Variants in STIM1 observed in about 807,000 individuals in gnomAD.
The protein encoded by STIM1 is stromal interaction molecule 1.
A neutral mutation model predicts 74.7 loss-of-function variants in STIM1; 25 were observed. The ratio of observed to expected loss-of-function variants is 0.33; its 90% CI spans 0.24 to 0.47. The LOEUF is 0.47. STIM1 is among the 20% of genes least tolerant of loss of function. The pLI, the probability that STIM1 is intolerant of heterozygous loss-of-function variation, is 1.00. For missense variants in STIM1, 728 were observed against 920.8 expected (o/e 0.79, Z 2.71); for synonymous variants, 328 against 348.8 (o/e 0.94, Z 0.66).
chr11:3,999,589 G>C (rs10835474), intron 2 of STIM1: 1 of 152,806 alleles, frequency 6.5e-6, no homozygotes, highest in Non-Finnish European at 1.5e-5. Flanking sequence ...TGATTGTGGT[G>C]GGGGGAGGAG....
chr11:3,909,332 T>A (rs1033410392), intron 1 of STIM1, among the ~76,000 whole-genome samples: 2 of 152,152 alleles, frequency 1.3e-5, no homozygotes, highest in African/African-American at 2.4e-5. Flanking sequence ...AAGGTCTGGA[T>A]CCAACTCCCC....
At chr11:3,969,998 C>T (rs1222068545) in intron 2 of STIM1, among the ~76,000 whole-genome samples, 1 of 151,762 alleles carries the variant, frequency 6.6e-6, no homozygotes, top group Non-Finnish European at 1.5e-5. Flanking sequence ...GGCCAGAAAA[C>T]TGGGGAATGG....
chr11:4,055,753 C>G (rs1212270000), intron 4 of STIM1, 116 bp downstream of exon 4: 3 of 719,228 alleles, frequency 4.2e-6, no homozygotes, highest in Non-Finnish European at 7.0e-6. Flanking sequence ...AGGGCAGCGT[C>G]TATAGATCTT....
chr11:3,872,603 G>T (rs2091147626), intron 1 of STIM1, among the ~76,000 whole-genome samples: 1 of 145,242 alleles, frequency 6.9e-6, no homozygotes, highest in Admixed American at 7.0e-5. Flanking sequence ...CTCACTGCAA[G>T]CTCCGGCTCC....
Position 3,989,002 on chromosome 11 carries a change from C to G in STIM1, c.270+21320C>G, listed in dbSNP as rs117692082. 5.9e-3 allele frequency among the ~76,000 whole-genome samples: 891 copies of G among 152,306 alleles called. 3 individuals are homozygous for G. Among genetic ancestry groups the G allele is most frequent in the Non-Finnish European group, 1.0e-2 (677 of 68,030 alleles). The stretch of plus-strand genomic sequence containing the variant: ...TTTCACCTCTTAAATAAAGCATTTA[C>G]ACTTAAAAGATGGGATGAGGTGGGA... On this transcript the variant is annotated intron_variant, in intron 2 of 12. Coordinates refer to ENST00000526596, the MANE Select transcript of STIM1 (RefSeq NM_001382567.1).
chr11:4,088,911 C>A, intron 12 of STIM1: 1 of 648,658 alleles, frequency 1.5e-6, no homozygotes, highest in Non-Finnish European at 2.7e-6. Flanking sequence ...GCAGTCCCAA[C>A]TTTTAGCTGA....
rs201952182 is a variant in STIM1 at position 3,953,780 on chromosome 11, C to CTTTTTTTTTTTTTTTTTT, written c.140-13769_140-13768insTTTTTTTTTTTTTTTTTT. Among the ~76,000 whole-genome samples the CTTTTTTTTTTTTTTTTTT allele has an allele frequency of 3.1e-5, 4 of 131,090 alleles. 2 individuals are homozygous for CTTTTTTTTTTTTTTTTTT. The highest frequency in any genetic ancestry group is 3.2e-5 in the Non-Finnish European group (2 of 61,882). The allele number at this position is 131,090 out of a possible 152,430, so 86.0% of individuals were successfully genotyped here. On this transcript the variant is annotated intron_variant, in intron 1 of 12. Transcript: ENST00000526596. ...TCGGTATTGACTTCTTGATCTTCTT[C>CTTTTTTTTTTTTTTTTTT]TTTCTTTTTTTTTTTTTTTTGAGAC...
chr11:4,073,544 G>A (rs1046312698), intron 6 of STIM1, among the ~76,000 whole-genome samples: 21 of 152,294 alleles, frequency 1.4e-4, no homozygotes, highest in African/African-American at 4.8e-4. Context: ...TTATCGCCAC[G>A]TATTTAGGGC....
At chr11:4,070,351 T>A (rs1008262476) in intron 6 of STIM1, 148 bp downstream of exon 6, 2 of 895,750 alleles carry the variant, frequency 2.2e-6, no homozygotes, top group African/African-American at 1.7e-5. Context: ...ATTGCAAGTT[T>A]AGGTTGCTGA....
At chr11:3,908,092 T>A (rs908215684) in intron 1 of STIM1, among the ~76,000 whole-genome samples, 1 of 152,230 alleles carries the variant, frequency 6.6e-6, no homozygotes, top group African/African-American at 2.4e-5. Context: ...CACTCCCTGT[T>A]AGTTCCATAA....
At chr11:3,892,272 G>A (rs2091918192) in intron 1 of STIM1, 5 of 665,664 alleles carry the variant, frequency 7.5e-6, no homozygotes, top group Non-Finnish European at 1.3e-5. Context: ...GGAGCCCAAA[G>A]GGAACTGCAG....
chr11:3,916,348 G>A (rs1003427492), intron 1 of STIM1, among the ~76,000 whole-genome samples: 8 of 151,668 alleles, frequency 5.3e-5, no homozygotes, highest in African/African-American at 7.3e-5. Flanking sequence ...GTGCAGTGGC[G>A]TGATCTTGGC....
chr11:4,087,241 T>C (rs1217270994), intron 12 of STIM1, among the ~76,000 whole-genome samples: 1 of 152,196 alleles, frequency 6.6e-6, no homozygotes, highest in Non-Finnish European at 1.5e-5. Flanking sequence ...GGTGATAAGA[T>C]ACAATCCCAG....
At chr11:3,868,927 T>C (rs1234070476) in intron 1 of STIM1, among the ~76,000 whole-genome samples, 2 of 152,190 alleles carry the variant, frequency 1.3e-5, no homozygotes, top group East Asian at 3.8e-4. Context: ...GGTCACATTT[T>C]ATATTATAAT....
chr11:4,040,700 A>G (rs986060966), intron 3 of STIM1, among the ~76,000 whole-genome samples: 11 of 152,250 alleles, frequency 7.2e-5, no homozygotes, highest in African/African-American at 2.4e-4. Context: ...TGATTGTGTG[A>G]TCTTAGATAA....
At chr11:4,003,683 C>T (rs1049885716) in intron 2 of STIM1, among the ~76,000 whole-genome samples, 3 of 152,086 alleles carry the variant, frequency 2.0e-5, no homozygotes, top group Non-Finnish European at 2.9e-5. Context: ...TGGCACAAGA[C>T]GGGATGCCCT....
intron 1 of STIM1, among the ~76,000 whole-genome samples, chr11:3,963,634 T>A (rs1455089145): frequency 1.3e-5 from 2 of 152,212 alleles, no homozygotes; most frequent in Non-Finnish European, 2.9e-5. Flanking sequence ...GTATTCATTT[T>A]AAAAAAACAT....
At chr11:3,870,911 T>C (rs2135265919) in intron 1 of STIM1, among the ~76,000 whole-genome samples, 1 of 144,250 alleles carries the variant, frequency 6.9e-6, no homozygotes, top group East Asian at 2.0e-4. Flanking sequence ...TCTTGCTCTG[T>C]CGCCAGGCTG....
At chr11:4,065,033 C>T (rs1590685436) in intron 5 of STIM1, among the ~76,000 whole-genome samples, 1 of 152,202 alleles carries the variant, frequency 6.6e-6, no homozygotes, top group Non-Finnish European at 1.5e-5. Context: ...TTCTAAGGTT[C>T]TCTGTGCCCC....
Sources: gnomAD v4.1 joint callset for allele counts (sites outside exome capture counted in the v4.1 genomes callset) on GRCh38, gnomAD v4.1.1 for gene constraint, MANE v1.5 for transcripts, NCBI Gene and HGNC (gene_info 2026-07-23, HGNC 2026-07-21) for gene names.